The following CCBE1 variants were observed in gnomAD, a reference collection of about 807,000 sequenced individuals.
The protein encoded by CCBE1 is collagen and calcium-binding EGF domain-containing protein 1.
In CCBE1, 37 loss-of-function variants were observed where a neutral mutation model predicts 50.0. That is an observed-to-expected ratio of 0.74 (90% confidence interval 0.57 to 0.97). The LOEUF (loss-of-function observed/expected upper bound fraction) is 0.97. Among genes scored for constraint, CCBE1 ranks in the 50% least tolerant of loss-of-function variants. The pLI, the probability that CCBE1 is intolerant of heterozygous loss-of-function variation, is 0.00. For missense variants in CCBE1, 538 were observed against 523.8 expected (o/e 1.03, Z -0.26); for synonymous variants, 234 against 203.7 (o/e 1.15, Z -1.27).
chr18:59,505,840 T>A (rs1351281907), intron 2 of CCBE1, among the ~76,000 whole-genome samples: 1 of 152,208 alleles, frequency 6.6e-6, no homozygotes, highest in Non-Finnish European at 1.5e-5. Context: ...ACTAAAGGGA[T>A]GTTCACCAGT....
chr18:59,552,126 A>G (rs1915950738), intron 2 of CCBE1, among the ~76,000 whole-genome samples: 1 of 152,182 alleles, frequency 6.6e-6, no homozygotes. Context: ...CTCATCACTC[A>G]GTAGTCTGGC....
chr18:59,513,495 C>T (rs1383933594), intron 2 of CCBE1, among the ~76,000 whole-genome samples: 2 of 152,178 alleles, frequency 1.3e-5, no homozygotes, highest in Non-Finnish European at 2.9e-5. Context: ...TCAGGCTGCT[C>T]AGGCCTAACT....
intron 2 of CCBE1, among the ~76,000 whole-genome samples, chr18:59,523,522 T>C (rs760068009): frequency 5.9e-5 from 9 of 152,168 alleles, no homozygotes; most frequent in Non-Finnish European, 1.0e-4. Context: ...TAACAGTGTC[T>C]GGCTCACAGC....
chr18:59,603,765 T>G (rs1944977), intron 2 of CCBE1, among the ~76,000 whole-genome samples: 84,943 of 152,058 alleles, frequency 0.56, 25,468 homozygotes, highest in East Asian at 0.78. Flanking sequence ...TCTTATCCTT[T>G]TTAAAATACT....
At chr18:59,487,799 A>T (rs773652452) in intron 2 of CCBE1, among the ~76,000 whole-genome samples, 3 of 152,226 alleles carry the variant, frequency 2.0e-5, no homozygotes, top group Non-Finnish European at 4.4e-5. Context: ...ACCTGAAAAA[A>T]ATTAAACATA....
Position 59,433,472 on chromosome 18 carries a change from CTGACA to C in CCBE1, c.*2431_*2435del, listed in dbSNP as rs1467366390. On this transcript the variant is annotated 3_prime_UTR_variant, in exon 11 of 11. Transcript: ENST00000439986. ...CATGAAAGACTCGGTCACATGCTGA[CTGACA>C]TGAGTCCTGCATTTCCAACGTGGTA... The C allele has an allele frequency of 2.0e-5, 3 of 152,060 alleles. No homozygotes were observed. Among genetic ancestry groups the C allele is most frequent in the Admixed American group, 6.5e-5 (1 of 15,274 alleles). 9.4% of individuals were successfully genotyped at this position (152,060 alleles called of 1,614,324 possible).
At chr18:59,579,148 C>T (rs1000159432) in intron 2 of CCBE1, among the ~76,000 whole-genome samples, 2 of 152,076 alleles carry the variant, frequency 1.3e-5, no homozygotes, top group African/African-American at 2.4e-5. Flanking sequence ...ATCCCCTCAA[C>T]AAAGCCTTGA....
chr18:59,470,844 G>A (rs1272609461), intron 3 of CCBE1, among the ~76,000 whole-genome samples: 2 of 152,142 alleles, frequency 1.3e-5, no homozygotes, highest in Non-Finnish European at 2.9e-5. Context: ...TGAACGGGTG[G>A]GCTGTCAGCT....
At chr18:59,500,973 T>G (rs762251022) in intron 2 of CCBE1, among the ~76,000 whole-genome samples, 11 of 152,178 alleles carry the variant, frequency 7.2e-5, no homozygotes, top group Non-Finnish European at 1.0e-4. Flanking sequence ...CACACATTGG[T>G]TCTGTGATTA....
intron 2 of CCBE1, among the ~76,000 whole-genome samples, chr18:59,495,267 AAT>A (rs772554496): frequency 7.8e-4 from 118 of 152,238 alleles, no homozygotes; most frequent in African/African-American, 2.7e-3. Flanking sequence ...TTCATATAAC[AAT>A]TACGTAACTG....
chr18:59,447,832 T>G (rs1910748764), intron 7 of CCBE1, 151 bp downstream of exon 7: 2 of 1,150,412 alleles, frequency 1.7e-6, no homozygotes, highest in Non-Finnish European at 1.2e-6. Flanking sequence ...CCAGGCTCTC[T>G]CATTGCATGG....
At chr18:59,653,788 A>G (rs1486548359) in intron 2 of CCBE1, among the ~76,000 whole-genome samples, 1 of 152,232 alleles carries the variant, frequency 6.6e-6, no homozygotes, top group Non-Finnish European at 1.5e-5. Context: ...TCAAAACCAA[A>G]AATAAGTTTT....
chr18:59,599,683 CT>C (rs1229973985), intron 2 of CCBE1, among the ~76,000 whole-genome samples: 2 of 152,162 alleles, frequency 1.3e-5, no homozygotes, highest in African/African-American at 4.8e-5. Context: ...GGATTACTTA[CT>C]GTCTCTGTGT....
chr18:59,664,071 C>A (rs924790853), intron 2 of CCBE1, among the ~76,000 whole-genome samples: 1 of 152,136 alleles, frequency 6.6e-6, no homozygotes, highest in Non-Finnish European at 1.5e-5. Context: ...GAGAAGTCTG[C>A]GATTAGGATG....
intron 2 of CCBE1, among the ~76,000 whole-genome samples, chr18:59,511,353 T>C (rs190869627): frequency 8.5e-5 from 13 of 152,364 alleles, no homozygotes; most frequent in Non-Finnish European, 1.8e-4. Flanking sequence ...TCTAGAGAAC[T>C]TGACATATTC....
At chr18:59,498,939 G>A (rs780983750) in intron 2 of CCBE1, among the ~76,000 whole-genome samples, 6 of 152,122 alleles carry the variant, frequency 3.9e-5, no homozygotes, top group Non-Finnish European at 7.3e-5. Context: ...AGTGGCTCTC[G>A]GAATTTGGAG....
rs1910764988 is a variant in CCBE1, at chr18:59,448,056, A to G, written c.702T>C (p.Thr234=). 2 of 1,614,132 alleles carry G rather than the reference A, an allele frequency of 1.2e-6. No individual in the cohort carries two copies. Among genetic ancestry groups the G allele is most frequent in the African/African-American group, 1.3e-5 (1 of 75,036 alleles). ...TGTTTGAGGCCAGCACCTTGTCACC[A>G]GTGATATACTTGCCCAGGTCAGCTG... The part of the protein sequence containing the change: ...NNAADLGKYI[T]GDKVLASNTY... Residue 234 remains threonine (T), a synonymous_variant, in exon 7 of 11, where the codon ACT becomes ACC. Coordinates refer to ENST00000439986, the MANE Select transcript of CCBE1 (RefSeq NM_133459.4).
At chr18:59,668,819 C>CTTTTTTTTTTTTTT (rs34632549) in intron 2 of CCBE1, among the ~76,000 whole-genome samples, 9 of 99,176 alleles carry the variant, frequency 9.1e-5, no homozygotes, top group Admixed American at 1.2e-4. Flanking sequence ...TTCCATAAGT[C>CTTTTTTTTTTTTTT]TTTTTTTTTT....
chr18:59,489,752 A>G lies in CCBE1; in HGVS notation c.213-9514T>C, dbSNP rs543103463. Among the ~76,000 whole-genome samples the G allele has an allele frequency of 1.0e-3, 146 of 144,956 alleles. 3 individuals are homozygous for G. Among genetic ancestry groups the G allele is most frequent in the South Asian group, 8.8e-3 (39 of 4,430 alleles). ...CTTGGCAACTAAGTCAGTGCTACACACTCCACCTCTCTTTGAACCCAGTCT... is the reference window on the plus strand; with the variant it reads ...CTTGGCAACTAAGTCAGTGCTACACGCTCCACCTCTCTTTGAACCCAGTCT... On this transcript the variant is annotated intron_variant, in intron 2 of 10. Coordinates refer to ENST00000439986, the MANE Select transcript of CCBE1 (RefSeq NM_133459.4).
Sources: gnomAD v4.1 joint callset for allele counts (sites outside exome capture counted in the v4.1 genomes callset) on GRCh38, gnomAD v4.1.1 for gene constraint, MANE v1.5 for transcripts, NCBI Gene and HGNC (gene_info 2026-07-23, HGNC 2026-07-21) for gene names.